The following TBL1XR1 variants were observed in gnomAD, a reference collection of about 807,000 sequenced individuals.
TBL1XR1 encodes TBL1X/Y related 1, also known as F-box-like/WD repeat-containing protein TBL1XR1.
In TBL1XR1, 5 loss-of-function variants were observed where a neutral mutation model predicts 66.9. The observed-to-expected ratio is 0.07, with a 90% CI of 0.04 to 0.16. The LOEUF is 0.16. Among genes scored for constraint, TBL1XR1 ranks in the 10% least tolerant of loss-of-function variants. The pLI, the probability that TBL1XR1 is intolerant of heterozygous loss-of-function variation, is 1.00. For synonymous variants in TBL1XR1, 210 were observed against 206.0 expected (o/e 1.02, Z -0.17); for missense variants, 238 against 623.2 (o/e 0.38, Z 6.58).
intron 1 of TBL1XR1, among the ~76,000 whole-genome samples, chr3:177,125,705 G>C (rs1727531891): frequency 6.6e-6 from 1 of 152,072 alleles, no homozygotes; most frequent in Non-Finnish European, 1.5e-5. Flanking sequence ...ACGTGCCATG[G>C]AGAAGTGCTG....
At chr3:177,069,654 G>A (rs1051960916) in intron 2 of TBL1XR1, among the ~76,000 whole-genome samples, 3 of 151,948 alleles carry the variant, frequency 2.0e-5, no homozygotes, top group Non-Finnish European at 2.9e-5. Flanking sequence ...AATGAGAATT[G>A]CTTGAACCCG....
At chr3:177,051,889 C>T (rs187381375) in intron 4 of TBL1XR1, among the ~76,000 whole-genome samples, 163 bp from the exon 5 acceptor site, 15 of 152,258 alleles carry the variant, frequency 9.9e-5, no homozygotes, top group Admixed American at 6.5e-4. Flanking sequence ...AAAGAAACTA[C>T]AAGCAGCAAC....
At chr3:177,059,944 T>G (rs1486297668) in intron 3 of TBL1XR1, among the ~76,000 whole-genome samples, 1 of 152,210 alleles carries the variant, frequency 6.6e-6, no homozygotes, top group South Asian at 2.1e-4. Context: ...TCGTGCTGGA[T>G]GCTTCCTGCC....
chr3:177,031,620 C>T (rs1479169297), intron 14 of TBL1XR1, among the ~76,000 whole-genome samples: 1 of 148,400 alleles, frequency 6.7e-6, no homozygotes, highest in Admixed American at 6.6e-5. Context: ...CATGAGCCAC[C>T]ATGTGCAGCC....
chr3:177,142,492 C>T (rs547109540), intron 1 of TBL1XR1, among the ~76,000 whole-genome samples: 2 of 152,206 alleles, frequency 1.3e-5, no homozygotes, highest in South Asian at 4.2e-4. Flanking sequence ...CACTGGTGGG[C>T]ATGTCTTTAT....
intron 1 of TBL1XR1, among the ~76,000 whole-genome samples, chr3:177,139,535 G>T (rs1016877334): frequency 2.1e-4 from 5 of 24,182 alleles, no homozygotes; most frequent in East Asian, 2.0e-3. Context: ...ACTCCATCTC[G>T]GGGGGAAAAA....
chr3:177,139,299 A>T (rs1037182670), intron 1 of TBL1XR1, among the ~76,000 whole-genome samples: 1 of 152,246 alleles, frequency 6.6e-6, no homozygotes, highest in Non-Finnish European at 1.5e-5. Context: ...AGGCAGGCAG[A>T]TCAGCTGAGG....
At chr3:177,189,378 G>A (rs753825348) in intron 1 of TBL1XR1, among the ~76,000 whole-genome samples, 8 of 152,072 alleles carry the variant, frequency 5.3e-5, no homozygotes, top group East Asian at 1.9e-4. Context: ...TTAGCTGGGC[G>A]TGGTGGTACA....
chr3:177,173,964 A>G (rs1051960716), intron 1 of TBL1XR1, among the ~76,000 whole-genome samples: 1 of 152,210 alleles, frequency 6.6e-6, no homozygotes, highest in South Asian at 2.1e-4. Context: ...TTAATGTAAA[A>G]TCTTTAGAAG....
At chr3:177,160,109 A>G (rs1731997950) in intron 1 of TBL1XR1, among the ~76,000 whole-genome samples, 1 of 152,144 alleles carries the variant, frequency 6.6e-6, no homozygotes, top group Admixed American at 6.6e-5. Flanking sequence ...TACTTTCTCA[A>G]GAAGCTCAAA....
chr3:177,128,247 C>T lies in TBL1XR1; in HGVS notation c.-121-29706G>A, dbSNP rs568220304. On this transcript the variant is annotated intron_variant, in intron 1 of 15. Transcript: ENST00000457928. ...AAAAAAAGACAAAAAAAAAATCATT[C>T]TTTTAGTACACTGTAATTTAAAACA... Among the ~76,000 whole-genome samples the T allele has an allele frequency of 3.4e-4, 52 of 152,204 alleles. 1 individual carries two copies. The highest frequency in any genetic ancestry group is 3.4e-3 in the Middle Eastern group (1 of 294).
Position 177,038,538 on chromosome 3 carries a change from C to T in TBL1XR1, c.926-104G>A. ...GACTAATAAAATATACTAACAGGCA[C>T]TTAAACATTTTACTTTATACTTTTT... On this transcript the variant is annotated intron_variant, in intron 10 of 15. Coordinates refer to ENST00000457928, the MANE Select transcript of TBL1XR1 (RefSeq NM_024665.7). 14 of 1,116,680 alleles carry T rather than the reference C, an allele frequency of 1.3e-5. No individual in the cohort carries two copies. In the South Asian group the frequency reaches 2.2e-4, roughly 18 times the overall value. 69.2% of individuals were successfully genotyped at this position (1,116,680 alleles called of 1,614,324 possible). A position where few individuals can be genotyped will look rare whatever the true frequency, so the allele number is the denominator to read the frequency against.
At chr3:177,094,732 G>T (rs548671121) in intron 2 of TBL1XR1, among the ~76,000 whole-genome samples, 1 of 152,106 alleles carries the variant, frequency 6.6e-6, no homozygotes, top group African/African-American at 2.4e-5. Context: ...AAACCATAAC[G>T]TTGCATGTTC....
chr3:177,180,969 G>A (rs1348470282), intron 1 of TBL1XR1, among the ~76,000 whole-genome samples: 1 of 151,902 alleles, frequency 6.6e-6, no homozygotes, highest in South Asian at 2.1e-4. Context: ...CTGACCTCAG[G>A]TGATCCACCC....
At chr3:177,088,784 G>GA (rs1241983696) in intron 2 of TBL1XR1, among the ~76,000 whole-genome samples, 1 of 151,772 alleles carries the variant, frequency 6.6e-6, no homozygotes, top group East Asian at 1.9e-4. Context: ...GTTGATTTGG[G>GA]AATCAGCTCT....
At chr3:177,035,184 C>G (rs149685723) in intron 12 of TBL1XR1, among the ~76,000 whole-genome samples, 10 of 152,134 alleles carry the variant, frequency 6.6e-5, no homozygotes, top group Non-Finnish European at 8.8e-5. Context: ...TTTCATTAGA[C>G]CTTTCTAATT....
In TBL1XR1 at chr3:177,026,459, G is replaced by A; in HGVS notation, c.1432C>T (p.His478Tyr). The stretch of plus-strand genomic sequence containing the variant: ...ATTCCACCTGTTCCCCTATAGCTGT[G>A]AACTAGAGCACCTGTCTAAAAGAAT... ...IWNTQTGALVHSYRGTGGIFE... is the reference protein window; with the variant it reads ...IWNTQTGALVYSYRGTGGIFE... The change falls in exon 15 of 16, where the codon CAC (histidine) becomes TAC (tyrosine). Residue 478 changes from histidine to tyrosine, a missense_variant. Around this residue, in one of 8 missense-constraint regions of TBL1XR1, gnomAD observed 26 missense variants for 35.1 expected, o/e 0.74. Coordinates refer to ENST00000457928, the MANE Select transcript of TBL1XR1 (RefSeq NM_024665.7). The A allele has an allele frequency of 6.2e-7, 1 of 1,603,292 alleles. No homozygotes were observed. The highest frequency in any genetic ancestry group is 8.5e-7 in the Non-Finnish European group (1 of 1,176,956).
At chr3:177,164,884 T>TAC (rs1305883909) in intron 1 of TBL1XR1, among the ~76,000 whole-genome samples, 4 of 152,194 alleles carry the variant, frequency 2.6e-5, no homozygotes, top group Non-Finnish European at 5.9e-5. Flanking sequence ...TCAAATACTC[T>TAC]ACAGCATTGT....
At chr3:177,096,169 T>C (rs147531534) in intron 2 of TBL1XR1, among the ~76,000 whole-genome samples, 162 of 152,300 alleles carry the variant, frequency 1.1e-3, no homozygotes, top group African/African-American at 3.8e-3. Context: ...TTATTGCATT[T>C]CTGAGGGTCA....
Sources: allele counts gnomAD v4.1 joint callset (sites outside exome capture counted in the v4.1 genomes callset), GRCh38; gene constraint gnomAD v4.1.1; regional missense constraint gnomAD v4.1.1; transcripts MANE v1.5; gene names NCBI Gene and HGNC (gene_info 2026-07-23, HGNC 2026-07-21).